DOK5: variants seen among roughly 807,000 people sequenced by gnomAD.
DOK5 encodes downstream of tyrosine kinase 5.
Under a neutral mutation model 43.3 loss-of-function variants are expected in DOK5, and 27 were observed. The observed-to-expected ratio is 0.62, with a 90% CI of 0.46 to 0.86. DOK5 has a LOEUF of 0.86. DOK5 is among the 40% of genes least tolerant of loss of function. The pLI, the probability that DOK5 is intolerant of heterozygous loss-of-function variation, is 0.00. For missense variants in DOK5, 373 were observed against 392.9 expected (o/e 0.95, Z 0.43); for synonymous variants, 146 against 140.1 (o/e 1.04, Z -0.30).
chr20:54,580,027 G>A (rs894687685), intron 2 of DOK5, among the ~76,000 whole-genome samples: 4 of 152,154 alleles, frequency 2.6e-5, no homozygotes, highest in African/African-American at 7.2e-5. Context: ...GAGAACATGC[G>A]GTGTTTGGTT....
At chr20:54,517,947 C>A (rs2146693701) in intron 1 of DOK5, among the ~76,000 whole-genome samples, 1 of 152,218 alleles carries the variant, frequency 6.6e-6, no homozygotes, top group East Asian at 1.9e-4. Context: ...CAATAAATTT[C>A]TGTTGTTTAT....
intron 6 of DOK5, among the ~76,000 whole-genome samples, chr20:54,625,623 A>G (rs2146810338): frequency 1.3e-5 from 2 of 152,232 alleles, no homozygotes; most frequent in Middle Eastern, 3.4e-3. Flanking sequence ...TACTAACTTT[A>G]CCACCCTTAG....
chr20:54,486,571 GCACACA>G (rs144765725), intron 1 of DOK5, among the ~76,000 whole-genome samples: 1 of 149,560 alleles, frequency 6.7e-6, no homozygotes, highest in African/African-American at 2.4e-5. Context: ...ACACACACAT[GCACACA>G]CACACACACA....
intron 1 of DOK5, among the ~76,000 whole-genome samples, chr20:54,502,662 T>C (rs1003428697): frequency 6.6e-6 from 1 of 152,132 alleles, no homozygotes; most frequent in Non-Finnish European, 1.5e-5. Context: ...CCGCATTTTT[T>C]CCCCACAAAA....
chr20:54,595,545 G>A (rs1057083387), intron 5 of DOK5, among the ~76,000 whole-genome samples: 25 of 152,162 alleles, frequency 1.6e-4, no homozygotes, highest in African/African-American at 5.3e-4. Context: ...CCATGACTTT[G>A]ATGACCCCTT....
intron 2 of DOK5, among the ~76,000 whole-genome samples, chr20:54,587,383 G>A (rs1200378006): frequency 2.0e-5 from 3 of 152,114 alleles, no homozygotes; most frequent in African/African-American, 7.2e-5. Flanking sequence ...CCCACCTACT[G>A]CTTGAGCTAA....
intron 1 of DOK5, among the ~76,000 whole-genome samples, chr20:54,491,892 A>G (rs1024272215): frequency 2.6e-5 from 4 of 152,168 alleles, no homozygotes; most frequent in African/African-American, 9.7e-5. Context: ...TAGAAAAAGC[A>G]GAGTTTAATT....
intron 2 of DOK5, among the ~76,000 whole-genome samples, chr20:54,556,461 G>T (rs1055359887): frequency 6.6e-6 from 1 of 152,158 alleles, no homozygotes; most frequent in Non-Finnish European, 1.5e-5. Flanking sequence ...AAATAATCTT[G>T]AGCCAAACTC....
intron 2 of DOK5, among the ~76,000 whole-genome samples, chr20:54,568,022 T>C (rs1985151751): frequency 6.6e-6 from 1 of 152,218 alleles, no homozygotes; most frequent in South Asian, 2.1e-4. Context: ...TCATCTAGTT[T>C]TCTCTCCTAC....
intron 1 of DOK5, among the ~76,000 whole-genome samples, chr20:54,514,438 C>A (rs1568762162): frequency 6.6e-6 from 1 of 152,070 alleles, no homozygotes; most frequent in East Asian, 1.9e-4. Context: ...TTCTTGCTAA[C>A]TTTGGTTCAG....
At chr20:54,519,877 C>A (rs1983332578) in intron 1 of DOK5, among the ~76,000 whole-genome samples, 1 of 152,154 alleles carries the variant, frequency 6.6e-6, no homozygotes, top group African/African-American at 2.4e-5. Flanking sequence ...TGTAGATTAT[C>A]TGTGGCAAAT....
chr20:54,501,253 G>A (rs546397035), intron 1 of DOK5, among the ~76,000 whole-genome samples: 1 of 151,868 alleles, frequency 6.6e-6, no homozygotes, highest in Non-Finnish European at 1.5e-5. Flanking sequence ...GGATCAGGAG[G>A]TCAGGAGATC....
chr20:54,621,755 C>T (rs75807376), intron 6 of DOK5, among the ~76,000 whole-genome samples: 4,380 of 152,120 alleles, frequency 0.029, 164 homozygotes, highest in African/African-American at 0.084. Flanking sequence ...GTGCTACCAT[C>T]CCATTTTTAT....
intron 1 of DOK5, among the ~76,000 whole-genome samples, chr20:54,492,686 TTGTGTGTGTGTGTGTGTGTGTGTG>T (rs34741362): frequency 1.4e-5 from 2 of 141,094 alleles, no homozygotes; most frequent in South Asian, 4.7e-4. Flanking sequence ...GAGTGTGGCT[TTGTGTGTGTGTGTGTGTGTGTGTG>T]TGTGTGTGTG....
At chr20:54,600,520 G>C (rs1217889713) in intron 5 of DOK5, among the ~76,000 whole-genome samples, 1 of 152,130 alleles carries the variant, frequency 6.6e-6, no homozygotes, top group East Asian at 1.9e-4. Context: ...GCAAAGAAGT[G>C]CATGGGAGGA....
intron 2 of DOK5, among the ~76,000 whole-genome samples, chr20:54,564,334 G>A (rs1361013822): frequency 6.6e-6 from 1 of 152,190 alleles, no homozygotes; most frequent in Non-Finnish European, 1.5e-5. Context: ...GGGAGGCTGA[G>A]GCAGGAGAAT....
intron 2 of DOK5, among the ~76,000 whole-genome samples, chr20:54,569,867 G>T (rs1985227914): frequency 1.3e-5 from 2 of 152,242 alleles, no homozygotes; most frequent in Non-Finnish European, 2.9e-5. Context: ...CCTAGGGCAT[G>T]TAGATATTTT....
chr20:54,513,474 A>AC (rs1818002539), intron 1 of DOK5, among the ~76,000 whole-genome samples: 1 of 150,592 alleles, frequency 6.6e-6, no homozygotes, highest in South Asian at 2.1e-4. Flanking sequence ...AAAAAAAAAA[A>AC]AAAAAAAAAA....
intron 1 of DOK5, among the ~76,000 whole-genome samples, chr20:54,525,073 G>A (rs1983534252): frequency 6.6e-6 from 1 of 152,202 alleles, no homozygotes; most frequent in Admixed American, 6.5e-5. Flanking sequence ...AATCCAAGTG[G>A]CATTGCTCTG....
Sources: gnomAD v4.1 joint callset for allele counts (sites outside exome capture counted in the v4.1 genomes callset) on GRCh38, gnomAD v4.1.1 for gene constraint, MANE v1.5 for transcripts, NCBI Gene and HGNC (gene_info 2026-07-23, HGNC 2026-07-21) for gene names.